COL26A1: variants seen among roughly 807,000 people sequenced by gnomAD.
COL26A1 encodes collagen alpha-1(XXVI) chain.
Under a neutral mutation model 59.3 loss-of-function variants are expected in COL26A1, and 41 were observed. The observed-to-expected ratio is 0.69, with a 90% confidence interval of 0.54 to 0.90. The LOEUF (loss-of-function observed/expected upper bound fraction) is 0.90. Ranked by LOEUF, COL26A1 falls within the 40% of genes least tolerant of loss-of-function variation. COL26A1 has a pLI of 0.00. For synonymous variants in COL26A1, 266 were observed against 256.0 expected (o/e 1.04, Z -0.37); for missense variants, 612 against 602.3 (o/e 1.02, Z -0.17).
intron 9 of COL26A1, 37 bp downstream of exon 9, chr7:101,549,260 C>T (rs376856323): frequency 1.5e-5 from 22 of 1,481,082 alleles, no homozygotes; most frequent in African/African-American, 9.8e-5. Flanking sequence ...GTGTGGGAGG[C>T]GGCGGGTGGC....
At chr7:101,446,953 C>T (rs1252783696) in intron 2 of COL26A1, among the ~76,000 whole-genome samples, 2 of 151,776 alleles carry the variant, frequency 1.3e-5, no homozygotes, top group African/African-American at 4.8e-5. Flanking sequence ...CCTGAGCATT[C>T]AGGATGGAGT....
rs1447594991 is a variant in COL26A1 at position 101,387,769 on chromosome 7, TATA to T, written c.158+24580_158+24582del. Among the ~76,000 whole-genome samples the T allele has an allele frequency of 9.1e-4, 45 of 49,214 alleles. 1 individual carries two copies. Among genetic ancestry groups the T allele is most frequent in the African/African-American group, 2.0e-3 (37 of 18,502 alleles). The allele number at this position is 49,214 out of a possible 152,430, so 32.3% of individuals were successfully genotyped here. On this transcript the variant is annotated intron_variant, in intron 1 of 12. Transcript: ENST00000313669. ...ATATATATATTTATATATATATATATATATATATATTTTTTTTTAAGACAGAGT... is the reference window on the plus strand; with the variant it reads ...ATATATATATTTATATATATATATATTATATATTTTTTTTTAAGACAGAGT...
At chr7:101,445,731 C>CAAAAA (rs138245779) in intron 2 of COL26A1, among the ~76,000 whole-genome samples, 9 of 38,442 alleles carry the variant, frequency 2.3e-4, no homozygotes, top group Non-Finnish European at 3.5e-4. Context: ...GACTCCGTCT[C>CAAAAA]AAAAAAAAAA....
chr7:101,517,410 G>T, intron 3 of COL26A1, among the ~76,000 whole-genome samples: 1 of 152,170 alleles, frequency 6.6e-6, no homozygotes, highest in Non-Finnish European at 1.5e-5. Context: ...ACAGCTCCAC[G>T]TGGCTGGGGG....
chr7:101,384,289 T>C (rs937750108), intron 1 of COL26A1, among the ~76,000 whole-genome samples: 1 of 148,152 alleles, frequency 6.7e-6, no homozygotes, highest in African/African-American at 2.5e-5. Context: ...TAGGCTAGAG[T>C]TCAATAGCGT....
chr7:101,470,057 C>G (rs78122418), intron 3 of COL26A1, among the ~76,000 whole-genome samples: 3,264 of 151,608 alleles, frequency 0.022, 49 homozygotes, highest in Non-Finnish European at 0.034. Context: ...GAAGAGCTCT[C>G]TCTGCTGCAG....
chr7:101,507,720 ATT>A (rs540337454), intron 3 of COL26A1, among the ~76,000 whole-genome samples: 15 of 151,886 alleles, frequency 9.9e-5, no homozygotes, highest in African/African-American at 3.6e-4. Flanking sequence ...AAAGTGGCCC[ATT>A]TTCTTACCTT....
At chr7:101,533,672 A>G (rs527907339) in intron 4 of COL26A1, among the ~76,000 whole-genome samples, 3 of 152,270 alleles carry the variant, frequency 2.0e-5, no homozygotes, top group African/African-American at 7.2e-5. Context: ...GCAGGGAGAG[A>G]GGCCAAGAAG....
intron 3 of COL26A1, among the ~76,000 whole-genome samples, chr7:101,532,314 T>C (rs1461985494): frequency 6.6e-6 from 1 of 151,938 alleles, no homozygotes; most frequent in Non-Finnish European, 1.5e-5. Context: ...TGACCTCGAA[T>C]TTCACCCGCC....
intron 3 of COL26A1, among the ~76,000 whole-genome samples, chr7:101,457,912 TTTGA>T (rs1476342281): frequency 8.5e-6 from 1 of 117,828 alleles, no homozygotes; most frequent in Non-Finnish European, 1.8e-5. Flanking sequence ...TTTTTTTTTT[TTTGA>T]AATGGAGTCT....
At chr7:101,489,667 TCCTTC>T (rs1188563853) in intron 3 of COL26A1, among the ~76,000 whole-genome samples, 8 of 50,278 alleles carry the variant, frequency 1.6e-4, no homozygotes, top group African/African-American at 1.2e-3. Flanking sequence ...CTTTCTTCCT[TCCTTC>T]CTTCCTTCCT....
intron 2 of COL26A1, among the ~76,000 whole-genome samples, chr7:101,441,875 C>T: frequency 6.6e-6 from 1 of 152,194 alleles, no homozygotes; most frequent in East Asian, 1.9e-4. Context: ...CCATGCACCC[C>T]TCCTGCACTC....
At chr7:101,411,078 A>C (rs556522070) in intron 1 of COL26A1, among the ~76,000 whole-genome samples, 1 of 152,192 alleles carries the variant, frequency 6.6e-6, no homozygotes, top group East Asian at 1.9e-4. Context: ...GACACCCCCA[A>C]CCTTGAGATG....
chr7:101,462,903 T>G (rs536570099), intron 3 of COL26A1, among the ~76,000 whole-genome samples: 2 of 152,140 alleles, frequency 1.3e-5, no homozygotes, highest in African/African-American at 4.8e-5. Flanking sequence ...GCAGTGACCT[T>G]GCAGAGTGAT....
intron 3 of COL26A1, among the ~76,000 whole-genome samples, chr7:101,519,260 A>G (rs1045846445): frequency 6.6e-6 from 1 of 151,952 alleles, no homozygotes; most frequent in African/African-American, 2.4e-5. Context: ...TAACTCACTG[A>G]CTCCTGAGGT....
At chr7:101,370,192 T>C (rs1385973633) in intron 1 of COL26A1, among the ~76,000 whole-genome samples, 4 of 152,032 alleles carry the variant, frequency 2.6e-5, no homozygotes, top group Non-Finnish European at 4.4e-5. Flanking sequence ...TGCTGGTTGA[T>C]ATGGCCTTTC....
chr7:101,420,954 A>C (rs908250686), intron 2 of COL26A1, among the ~76,000 whole-genome samples: 7 of 151,652 alleles, frequency 4.6e-5, no homozygotes, highest in Non-Finnish European at 8.8e-5. Flanking sequence ...GGCTTCCCCA[A>C]ACCACTCTCC....
At chr7:101,434,979 C>T (rs981230744) in intron 2 of COL26A1, among the ~76,000 whole-genome samples, 4 of 152,094 alleles carry the variant, frequency 2.6e-5, no homozygotes, top group African/African-American at 9.7e-5. Flanking sequence ...TAGCAGAGAC[C>T]TGGGGGACTA....
intron 3 of COL26A1, among the ~76,000 whole-genome samples, chr7:101,486,469 C>A (rs1033448707): frequency 2.6e-5 from 4 of 152,246 alleles, no homozygotes; most frequent in African/African-American, 9.6e-5. Context: ...CAGGTCCCTG[C>A]ACAGGCAGCT....
Sources: gnomAD v4.1 joint callset for allele counts (sites outside exome capture counted in the v4.1 genomes callset) on GRCh38, gnomAD v4.1.1 for gene constraint, MANE v1.5 for transcripts, NCBI Gene and HGNC (gene_info 2026-07-23, HGNC 2026-07-21) for gene names.